The following PCDHGA7 variants were observed in gnomAD, a reference collection of about 807,000 sequenced individuals.
PCDHGA7 encodes protocadherin gamma subfamily A, 7, also known as protocadherin gamma-A7.
PCDHGA7 carries 44 observed loss-of-function variants against 58.3 expected under a neutral mutation model. The ratio of observed to expected loss-of-function variants is 0.75; its 90% CI spans 0.59 to 0.97. The LOEUF (loss-of-function observed/expected upper bound fraction) is 0.97, where lower values mean the gene tolerates loss of function less well. Among genes scored for constraint, PCDHGA7 ranks in the 50% least tolerant of loss-of-function variants. PCDHGA7 has a pLI of 0.00. For synonymous variants in PCDHGA7, 516 were observed against 504.2 expected (o/e 1.02, Z -0.31); for missense variants, 1,266 against 1,188.7 (o/e 1.06, Z -0.96).
rs1173375966 is a variant in PCDHGA7, at chr5:141,511,162, GAGA to G, written c.2794_2796del (p.Lys932del). 16 of 1,614,044 alleles carry G rather than the reference GAGA, an allele frequency of 9.9e-6. No individual in the cohort carries two copies. The highest frequency in any genetic ancestry group is 5.5e-5 in the South Asian group (5 of 91,078). On this transcript the variant is annotated inframe_deletion, in exon 4 of 4. Transcript: ENST00000518325. The stretch of plus-strand genomic sequence containing the variant: ...CAACAAGAAGAAGTCGGGCAAGAAG[GAGA>G]AGAAGTAACATGGAGGCCAGGCCAA...
chr5:141,416,308 T>C (rs1472911605), intron 1 of PCDHGA7: 1 of 152,266 alleles, frequency 6.6e-6, no homozygotes, highest in East Asian at 1.9e-4. Context: ...ATGTGGAAGA[T>C]ATAGCATTTT....
At chr5:141,468,744 T>G (rs113912306) in intron 1 of PCDHGA7, among the ~76,000 whole-genome samples, 5,602 of 152,138 alleles carry the variant, frequency 0.037, 142 homozygotes, top group South Asian at 0.077. Flanking sequence ...CGGGTGCCTG[T>G]AGTCCCAGCT....
intron 1 of PCDHGA7, among the ~76,000 whole-genome samples, chr5:141,402,286 C>T (rs2094248272): frequency 6.6e-6 from 1 of 151,638 alleles, no homozygotes; most frequent in Non-Finnish European, 1.5e-5. Flanking sequence ...ATAATCTATC[C>T]TTATATATGT....
intron 2 of PCDHGA7, among the ~76,000 whole-genome samples, chr5:141,503,292 A>T (rs7710319): frequency 0.52 from 78,681 of 151,966 alleles, 21,044 homozygotes; most frequent in African/African-American, 0.62. Flanking sequence ...TGGTACATAG[A>T]AATTGCTCAA....
chr5:141,405,444 G>A, intron 1 of PCDHGA7: 1 of 1,379,466 alleles, frequency 7.2e-7, no homozygotes, highest in South Asian at 1.3e-5. Flanking sequence ...TTTTGAGACA[G>A]AGTCTTACTC....
At chr5:141,461,013 C>G (rs981329088) in intron 1 of PCDHGA7, among the ~76,000 whole-genome samples, 2 of 148,522 alleles carry the variant, frequency 1.3e-5, no homozygotes, top group Non-Finnish European at 3.0e-5. Flanking sequence ...ATATATATAC[C>G]ACATTTTCTT....
chr5:141,458,922 G>A (rs747489537), intron 1 of PCDHGA7, among the ~76,000 whole-genome samples: 2 of 151,918 alleles, frequency 1.3e-5, no homozygotes, highest in East Asian at 1.9e-4. Flanking sequence ...TTGTGGAGAC[G>A]GGGTCTCACT....
intron 1 of PCDHGA7, chr5:141,415,377 C>A: frequency 1.2e-6 from 2 of 1,614,236 alleles, no homozygotes; most frequent in Non-Finnish European, 1.7e-6. Flanking sequence ...CTTCAGGAGG[C>A]GGCTTGACAG....
chr5:141,414,854 A>C (rs1191943867), intron 1 of PCDHGA7: 3 of 1,614,230 alleles, frequency 1.9e-6, no homozygotes, highest in Non-Finnish European at 2.5e-6. Context: ...CTGGACCAGA[A>C]CGACAATGCG....
At chr5:141,509,507 T>G (rs2099877110) in intron 3 of PCDHGA7, among the ~76,000 whole-genome samples, 1 of 151,792 alleles carries the variant, frequency 6.6e-6, no homozygotes, top group African/African-American at 2.4e-5. Flanking sequence ...GATGTGACGG[T>G]GTTGATGATG....
intron 1 of PCDHGA7, chr5:141,413,227 G>A (rs552225139): frequency 1.9e-5 from 30 of 1,613,938 alleles, no homozygotes; most frequent in Non-Finnish European, 2.5e-5. Flanking sequence ...CAGCGGGCTG[G>A]TCCTGCTCTG....
At chr5:141,393,747 T>C (rs1375394315) in intron 1 of PCDHGA7, 1 of 1,613,866 alleles carries the variant, frequency 6.2e-7, no homozygotes, top group Admixed American at 1.7e-5. Flanking sequence ...TTATGAAGAA[T>C]GTTCATTTTA....
At position 141,491,682 on chromosome 5, in the gene PCDHGA7, G is replaced by A. The variant is rs11952292; in HGVS notation, c.2425-3125G>A. The A allele has an allele frequency of 1.9e-6, 3 of 1,613,150 alleles. No individual in the cohort carries two copies. Among genetic ancestry groups the A allele is most frequent in the South Asian group, 1.1e-5 (1 of 91,046 alleles). On this transcript the variant is annotated intron_variant, in intron 1 of 3. Coordinates refer to ENST00000518325, the MANE Select transcript of PCDHGA7 (RefSeq NM_018920.4). The surrounding 1 kb of genome is among the most constrained non-coding windows in gnomAD (Gnocchi z 6.9). Reference sequence around the variant, plus strand: ...ACGCCATCCGGTCCCGCTCTAATACGCTGCGGGAGCGGAGCCAGGTGAGGG... The same window carrying A: ...ACGCCATCCGGTCCCGCTCTAATACACTGCGGGAGCGGAGCCAGGTGAGGG...
At chr5:141,426,174 G>A (rs1213063298) in intron 1 of PCDHGA7, 1 of 155,354 alleles carries the variant, frequency 6.4e-6, no homozygotes, top group Non-Finnish European at 1.4e-5. Flanking sequence ...ACGGATTGGG[G>A]TGCCCTCAAA....
chr5:141,455,632 TG>T (rs1394377963), intron 1 of PCDHGA7, among the ~76,000 whole-genome samples: 1 of 151,924 alleles, frequency 6.6e-6, no homozygotes, highest in African/African-American at 2.4e-5. Flanking sequence ...TGGAGATATG[TG>T]GGGGGCAGCC....
At chr5:141,422,090 AGGCTTCTGAAATATTCCAATT>A (rs1561798894) in intron 1 of PCDHGA7, 11 of 1,611,852 alleles carry the variant, frequency 6.8e-6, no homozygotes, top group Non-Finnish European at 9.3e-6. Flanking sequence ...ATGGAAAGCA[AGGCTTCTGAAATATTCCAATT>A]GGATTCACAA....
intron 2 of PCDHGA7, 36 bp from the exon 3 acceptor site, chr5:141,505,357 T>A (rs1026098450): frequency 6.2e-7 from 1 of 1,613,762 alleles, no homozygotes; most frequent in African/African-American, 1.3e-5. Context: ...TGTGCCGGCC[T>A]GGGAGTCTGT....
chr5:141,461,230 G>T (rs945407206), intron 1 of PCDHGA7, among the ~76,000 whole-genome samples: 2 of 152,024 alleles, frequency 1.3e-5, no homozygotes, highest in African/African-American at 4.8e-5. Flanking sequence ...TTCCATAGAG[G>T]TTGTACTAAT....
intron 1 of PCDHGA7, among the ~76,000 whole-genome samples, chr5:141,401,638 TA>T (rs2094176765): frequency 1.3e-5 from 2 of 152,242 alleles, no homozygotes; most frequent in South Asian, 4.1e-4. Context: ...TTTGGAGCTT[TA>T]AATATAAATG....
Sources: gnomAD v4.1 joint callset for allele counts (sites outside exome capture counted in the v4.1 genomes callset) on GRCh38, gnomAD v4.1.1 for gene constraint, Gnocchi (gnomAD v3.1) non-coding constraint, MANE v1.5 for transcripts, NCBI Gene and HGNC (gene_info 2026-07-23, HGNC 2026-07-21) for gene names.